Variants in MAP2K6 observed in about 807,000 individuals in gnomAD.
MAP2K6 encodes the protein mitogen-activated protein kinase kinase 6, also known as dual specificity mitogen-activated protein kinase kinase 6.
MAP2K6 carries 16 observed loss-of-function variants against 53.7 expected under a neutral mutation model. That is an observed-to-expected ratio of 0.30 (90% CI 0.20 to 0.45). The LOEUF is 0.45. Among genes scored for constraint, MAP2K6 ranks in the 20% least tolerant of loss-of-function variants. MAP2K6 has a pLI of 1.00. For missense variants in MAP2K6, 204 were observed against 411.9 expected (o/e 0.50, Z 4.37); for synonymous variants, 132 against 143.1 (o/e 0.92, Z 0.55).
intron 5 of MAP2K6, 60 bp downstream of exon 5, chr17:69,519,492 G>A (rs1381219503): frequency 1.2e-6 from 2 of 1,605,718 alleles, no homozygotes. Flanking sequence ...AAGTTTCTTT[G>A]ATCACGTAAA....
At chr17:69,437,383 T>C (rs1906682499) in intron 1 of MAP2K6, among the ~76,000 whole-genome samples, 1 of 151,866 alleles carries the variant, frequency 6.6e-6, no homozygotes, top group South Asian at 2.1e-4. Flanking sequence ...TTGAGTAGGC[T>C]AAGGAGGAGG....
Position 69,447,700 on chromosome 17 carries a change from G to A in MAP2K6, c.16+32700G>A, listed in dbSNP as rs183919228. Reference sequence around the variant, plus strand: ...GGCAGTTGAGTAAAAGGCATTGGAGGAGGAAGGAGATGAAGAAAGAAAGAA... The same window carrying A: ...GGCAGTTGAGTAAAAGGCATTGGAGAAGGAAGGAGATGAAGAAAGAAAGAA... On this transcript the variant is annotated intron_variant, in intron 1 of 11. Transcript: ENST00000590474. Among the ~76,000 whole-genome samples, 342 of 152,318 alleles carry A rather than the reference G, an allele frequency of 2.2e-3. 5 individuals are homozygous for A. The highest frequency in any genetic ancestry group is 8.3e-4 in the South Asian group (4 of 4,824).
rs1290077731 is a variant in MAP2K6 at position 69,450,045 on chromosome 17, C to T, written c.16+35045C>T. 2.6e-5 allele frequency among the ~76,000 whole-genome samples: 4 copies of T among 151,940 alleles called. No homozygotes were observed. The East Asian group carries it at 7.7e-4, about 29-fold the overall frequency. ...CGCCTCCCAGGTTCAAGTGATTCTC[C>T]TGCATCAGCCTTCCAAGTAGCTGGG... On this transcript the variant is annotated intron_variant, in intron 1 of 11. Transcript: ENST00000590474.
At chr17:69,418,000 A>C (rs921549302) in intron 1 of MAP2K6, among the ~76,000 whole-genome samples, 1 of 152,238 alleles carries the variant, frequency 6.6e-6, no homozygotes, top group Non-Finnish European at 1.5e-5. Context: ...GCAGAGTGGT[A>C]GGAAAGGTCT....
intron 2 of MAP2K6, among the ~76,000 whole-genome samples, chr17:69,512,899 T>C (rs1909932998): frequency 6.6e-6 from 1 of 152,112 alleles, no homozygotes; most frequent in African/African-American, 2.4e-5. Context: ...TCATGTAAAA[T>C]TATAAATGAA....
intron 1 of MAP2K6, among the ~76,000 whole-genome samples, chr17:69,449,547 T>TTG (rs1567821762): frequency 2.3e-3 from 265 of 113,806 alleles, no homozygotes; most frequent in African/African-American, 0.012. Context: ...CTTTCTTTCT[T>TTG]TCTTTCTTTC....
At position 69,517,706 on chromosome 17, in the gene MAP2K6, C is replaced by T. The variant is rs1910236485; in HGVS notation, c.246+93C>T. The stretch of plus-strand genomic sequence containing the variant: ...CCAGCCCTTTTAATAGAAGCAAAAC[C>T]ATCTTCCGTAGGGTAAAACAGAAAA... On this transcript the variant is annotated intron_variant, in intron 4 of 11. Transcript: ENST00000590474. The T allele has an allele frequency of 5.6e-6, 4 of 710,412 alleles. No homozygotes were observed. The South Asian group carries it at 1.3e-4, about 24-fold the overall frequency. 44.0% of individuals were successfully genotyped at this position (710,412 alleles called of 1,614,324 possible).
At chr17:69,420,872 T>C (rs1268376929) in intron 1 of MAP2K6, among the ~76,000 whole-genome samples, 3 of 152,320 alleles carry the variant, frequency 2.0e-5, no homozygotes, top group East Asian at 3.9e-4. Context: ...AATGGTGACA[T>C]GTGAATCATG....
At chr17:69,420,877 A>G (rs1239796725) in intron 1 of MAP2K6, among the ~76,000 whole-genome samples, 1 of 152,170 alleles carries the variant, frequency 6.6e-6, no homozygotes, top group Non-Finnish European at 1.5e-5. Context: ...TGACATGTGA[A>G]TCATGGTGGT....
chr17:69,460,500 T>TGTGATG (rs1379827037), intron 1 of MAP2K6, among the ~76,000 whole-genome samples: 1 of 152,158 alleles, frequency 6.6e-6, no homozygotes, highest in Non-Finnish European at 1.5e-5. Context: ...AACATATGTC[T>TGTGATG]GTGATGGAGG....
chr17:69,521,318 C>A, intron 7 of MAP2K6: 1 of 423,536 alleles, frequency 2.4e-6, no homozygotes, highest in Non-Finnish European at 4.2e-6. Context: ...TGTCTTACAT[C>A]CAAATTGAAT....
At chr17:69,436,317 T>TA (rs539934206) in intron 1 of MAP2K6, among the ~76,000 whole-genome samples, 14 of 152,014 alleles carry the variant, frequency 9.2e-5, no homozygotes, top group Admixed American at 2.6e-4. Context: ...TGAAAATTGA[T>TA]AAAAAAAATA....
At chr17:69,505,885 T>G (rs377247867) in intron 2 of MAP2K6, 39 bp downstream of exon 2, 5 of 1,565,738 alleles carry the variant, frequency 3.2e-6, no homozygotes, top group Non-Finnish European at 4.4e-6. Context: ...CAAATCCTTG[T>G]GCTTTCAGAT....
At chr17:69,502,431 A>G (rs1567842529) in intron 1 of MAP2K6, 3 of 985,434 alleles carry the variant, frequency 3.0e-6, no homozygotes, top group South Asian at 4.7e-5. Context: ...AGCGAACTGC[A>G]GAGTGTTGCT....
chr17:69,534,984 T>C (rs1271431326), intron 10 of MAP2K6, among the ~76,000 whole-genome samples: 2 of 151,910 alleles, frequency 1.3e-5, no homozygotes, highest in African/African-American at 4.8e-5. Context: ...TTTTCTTTTT[T>C]TTTTTTCATT....
chr17:69,467,487 GC>G (rs752654330), intron 1 of MAP2K6, among the ~76,000 whole-genome samples: 6 of 152,168 alleles, frequency 3.9e-5, no homozygotes, highest in Non-Finnish European at 5.9e-5. Context: ...GCTGTGAAAT[GC>G]CATTGTGGTG....
In MAP2K6 at chr17:69,494,359, A is replaced by G. The variant is rs1036463186; in HGVS notation, c.17-11421A>G. Among the ~76,000 whole-genome samples, 1 of 152,058 alleles carries G rather than the reference A, an allele frequency of 6.6e-6. No individual in the cohort carries two copies. Among genetic ancestry groups the G allele is most frequent in the Non-Finnish European group, 1.5e-5 (1 of 67,994 alleles). ...CTAAAAATACAAAAATTAGCTGGGC[A>G]TGGTGGCACATGCCTGTAATCTCAG... is the stretch of plus-strand genomic sequence containing the variant. On this transcript the variant is annotated intron_variant, in intron 1 of 11. Transcript: ENST00000590474. This position sits in a 1 kb window ranked among gnomAD's most constrained non-coding sequence, Gnocchi z 4.2.
chr17:69,525,710 T>C (rs147937113), intron 9 of MAP2K6, among the ~76,000 whole-genome samples: 1 of 152,286 alleles, frequency 6.6e-6, no homozygotes, highest in East Asian at 1.9e-4. Flanking sequence ...TAGAACAGTA[T>C]GGGGGAACCA....
chr17:69,497,152 A>G (rs183551444), intron 1 of MAP2K6, among the ~76,000 whole-genome samples: 1 of 152,184 alleles, frequency 6.6e-6, no homozygotes, highest in Non-Finnish European at 1.5e-5. Context: ...TCTAGTGCTT[A>G]AACTCTGTAC....
Sources: allele counts gnomAD v4.1 joint callset (sites outside exome capture counted in the v4.1 genomes callset), GRCh38; gene constraint gnomAD v4.1.1; non-coding constraint Gnocchi (gnomAD v3.1); transcripts MANE v1.5; gene names NCBI Gene and HGNC (gene_info 2026-07-23, HGNC 2026-07-21).